Variants in LMF1 observed in about 807,000 individuals in gnomAD.
LMF1 encodes the protein lipase maturation factor 1.
LMF1 carries 68 observed loss-of-function variants against 60.6 expected under a neutral mutation model. The ratio of observed to expected loss-of-function variants is 1.12; its 90% CI spans 0.92 to 1.37. The LOEUF is 1.37. LMF1 is among the 40% of genes most tolerant of loss of function. The probability of loss-of-function intolerance (pLI) is 0.00; values close to 1 mark genes in which losing one functional copy is unlikely to be tolerated. For missense variants in LMF1, 948 were observed against 767.2 expected (o/e 1.24, Z -2.78); for synonymous variants, 418 against 324.7 (o/e 1.29, Z -3.09).
Position 854,454 on chromosome 16 carries a change from T to C in LMF1, c.*78A>G. 1 of 1,400,486 alleles carries C rather than the reference T, an allele frequency of 7.1e-7. No individual in the cohort carries two copies. The highest frequency in any genetic ancestry group is 9.8e-7 in the Non-Finnish European group (1 of 1,022,774). The allele number at this position is 1,400,486 out of a possible 1,614,324, so 86.8% of individuals were successfully genotyped here. Reference sequence around the variant, plus strand: ...CACGTCTCTCTTGGCGATGCCCAGCTTGGGCTGGGCGCAGGGAAGGGCAAA... The same window carrying C: ...CACGTCTCTCTTGGCGATGCCCAGCCTGGGCTGGGCGCAGGGAAGGGCAAA... On this transcript the variant is annotated 3_prime_UTR_variant, in exon 11 of 11. Coordinates refer to ENST00000262301, the MANE Select transcript of LMF1 (RefSeq NM_022773.4).
chr16:869,874 G>GT lies in LMF1; in HGVS notation c.1416+8dup. On this transcript the variant is annotated intron_variant, in intron 9 of 10. Coordinates refer to ENST00000262301, the MANE Select transcript of LMF1 (RefSeq NM_022773.4). Reference sequence around the variant, plus strand: ...CAGGTCCATGCGCCCGCCAGGGACCGTCCCCCACCTGGAAGGCCGCGAACC... The same window carrying GT: ...CAGGTCCATGCGCCCGCCAGGGACCGTTCCCCCACCTGGAAGGCCGCGAACC... 1 of 1,609,266 alleles carries GT rather than the reference G, an allele frequency of 6.2e-7. No individual in the cohort carries two copies. The highest frequency in any genetic ancestry group is 8.5e-7 in the Non-Finnish European group (1 of 1,178,678).
chr16:927,524 G>A (rs778964429), intron 3 of LMF1, among the ~76,000 whole-genome samples: 2 of 152,270 alleles, frequency 1.3e-5, no homozygotes, highest in Admixed American at 6.5e-5. Context: ...GGCAGAGGCC[G>A]TGGAGGCTGC....
At chr16:918,118 T>C (rs181774745) in intron 3 of LMF1, among the ~76,000 whole-genome samples, 2 of 152,352 alleles carry the variant, frequency 1.3e-5, no homozygotes, top group Admixed American at 1.3e-4. Flanking sequence ...CTGAAAGTGC[T>C]GGTTAAGGGC....
At chr16:894,883 G>A (rs191967180) in intron 4 of LMF1, among the ~76,000 whole-genome samples, 2 of 152,324 alleles carry the variant, frequency 1.3e-5, no homozygotes, top group African/African-American at 4.8e-5. Context: ...AATGGAATTC[G>A]GGGAACACGA....
intron 1 of LMF1, among the ~76,000 whole-genome samples, chr16:963,499 GCACATGTA>G (rs1185292487): frequency 2.6e-4 from 40 of 152,232 alleles, no homozygotes; most frequent in African/African-American, 9.4e-4. Flanking sequence ...GTACACGTGT[GCACATGTA>G]CACATGTATG....
chr16:899,052 G>A (rs1041446461), intron 4 of LMF1: 6 of 152,258 alleles, frequency 3.9e-5, no homozygotes, highest in Admixed American at 1.3e-4. Flanking sequence ...CAACCCAGGA[G>A]ATCCTTTGAA....
chr16:970,765 TCCCGGGCCCGC>T lies in LMF1; in HGVS notation c.193+12_193+22del. 1 of 1,510,846 alleles carries T rather than the reference TCCCGGGCCCGC, an allele frequency of 6.6e-7. No individual in the cohort carries two copies. The highest frequency in any genetic ancestry group is 8.9e-7 in the Non-Finnish European group (1 of 1,124,622). The allele number at this position is 1,510,846 out of a possible 1,614,324, so 93.6% of individuals were successfully genotyped here. A position where few individuals can be genotyped will look rare whatever the true frequency, so the allele number is the denominator to read the frequency against. The stretch of plus-strand genomic sequence containing the variant: ...TGCGCGGAGGTGACACTGGCGGATG[TCCCGGGCCCGC>T]CCGGCACTCACAGTACACGAAGGCT... On this transcript the variant is annotated intron_variant, in intron 1 of 10. Coordinates refer to ENST00000262301, the MANE Select transcript of LMF1 (RefSeq NM_022773.4).
intron 4 of LMF1, among the ~76,000 whole-genome samples, chr16:898,481 C>T (rs1221818769): frequency 6.6e-6 from 1 of 152,226 alleles, no homozygotes; most frequent in East Asian, 1.9e-4. Context: ...CTGCTCCTTC[C>T]CCCGGCTCTG....
At chr16:964,633 G>A (rs886207168) in intron 1 of LMF1, among the ~76,000 whole-genome samples, 2 of 152,230 alleles carry the variant, frequency 1.3e-5, no homozygotes, top group Non-Finnish European at 1.5e-5. Context: ...AGCTCTTAGA[G>A]CCACTGAAAG....
At chr16:977,155 C>G in intron 1 of LMF1, 1 of 452,044 alleles carries the variant, frequency 2.2e-6, no homozygotes, top group South Asian at 1.6e-5. Context: ...CGCCAGGAAG[C>G]TTAAGGCACA....
intron 2 of LMF1, among the ~76,000 whole-genome samples, chr16:939,270 C>G (rs771317859): frequency 1.5e-4 from 23 of 152,216 alleles, no homozygotes; most frequent in Admixed American, 5.2e-4. Flanking sequence ...GCCGTGAGCA[C>G]GAACCCTGGG....
chr16:896,892 T>A (rs562462504), intron 4 of LMF1, among the ~76,000 whole-genome samples: 1 of 152,326 alleles, frequency 6.6e-6, no homozygotes, highest in East Asian at 1.9e-4. Flanking sequence ...TATTGATTTC[T>A]CTCTACATTG....
At chr16:972,614 G>A (rs550486083), upstream of LMF1, among the ~76,000 whole-genome samples, 12 of 152,344 alleles carry the variant, frequency 7.9e-5, no homozygotes, top group African/African-American at 2.4e-4. Flanking sequence ...GGGGACGGAC[G>A]GCGAGAGGGA....
At chr16:971,810 G>C (rs2073056311), upstream of LMF1, among the ~76,000 whole-genome samples, 1 of 152,248 alleles carries the variant, frequency 6.6e-6, no homozygotes, top group Non-Finnish European at 1.5e-5. Context: ...TGGAGACCTA[G>C]GGGTTAGTGA....
At chr16:977,191 C>A in intron 1 of LMF1, 1 of 432,852 alleles carries the variant, frequency 2.3e-6, no homozygotes, top group Non-Finnish European at 4.7e-6. Context: ...CAGGCAGACG[C>A]CACCCCAGCC....
At chr16:858,946 T>TGCCACGGGACGC (rs2069317423) in intron 10 of LMF1, among the ~76,000 whole-genome samples, 1 of 75,084 alleles carries the variant, frequency 1.3e-5, no homozygotes, top group African/African-American at 7.8e-5. Flanking sequence ...TGTGCAGTGG[T>TGCCACGGGACGC]GTCACGGGAC....
intron 9 of LMF1, 148 bp from the exon 10 acceptor site, chr16:869,204 G>C: frequency 2.9e-6 from 2 of 689,026 alleles, no homozygotes. Flanking sequence ...CTTTGGCTGG[G>C]GTCCCCTTAA....
upstream of LMF1, among the ~76,000 whole-genome samples, chr16:973,441 C>T (rs1019825050): frequency 1.3e-5 from 2 of 152,202 alleles, no homozygotes; most frequent in Middle Eastern, 3.2e-3. Flanking sequence ...ACAGGACAGA[C>T]GCGGAGGTCA....
chr16:977,669 G>A (rs965851452), intron 1 of LMF1, among the ~76,000 whole-genome samples: 7 of 150,578 alleles, frequency 4.6e-5, no homozygotes, highest in Admixed American at 3.3e-4. Context: ...GAGGAGGGCC[G>A]GGTTGGGGGT....
Sources: allele counts gnomAD v4.1 joint callset (sites outside exome capture counted in the v4.1 genomes callset), GRCh38; gene constraint gnomAD v4.1.1; transcripts MANE v1.5; gene names NCBI Gene and HGNC (gene_info 2026-07-23, HGNC 2026-07-21).